Variants in ADAMTS20 observed in about 807,000 individuals in gnomAD.
The protein encoded by ADAMTS20 is A disintegrin and metalloproteinase with thrombospondin motifs 20.
Under a neutral mutation model 260.1 loss-of-function variants are expected in ADAMTS20, and 225 were observed. The observed-to-expected ratio is 0.87, with a 90% confidence interval of 0.78 to 0.97. The LOEUF is 0.97. ADAMTS20 is among the 50% of genes least tolerant of loss of function. The pLI is 0.00. For missense variants in ADAMTS20, 2,400 were observed against 2,337.7 expected (o/e 1.03, Z -0.55); for synonymous variants, 802 against 769.5 (o/e 1.04, Z -0.70).
At chr12:43,526,426 C>T (rs756013785) in intron 3 of ADAMTS20, among the ~76,000 whole-genome samples, 2 of 152,020 alleles carry the variant, frequency 1.3e-5, no homozygotes, top group South Asian at 2.1e-4. Flanking sequence ...CCACTGCACT[C>T]CAGCCTGAGT....
At position 43,437,464 on chromosome 12, in the gene ADAMTS20, T is replaced by G. The variant is rs182185408; in HGVS notation, c.2593+2158A>C. On this transcript the variant is annotated intron_variant, in intron 18 of 38. Transcript: ENST00000389420. ...CAAATCAAGGCATATTGTCCTGAAA[T>G]TTCATACCACTAGAATTAAAGAGAG... Among the ~76,000 whole-genome samples, 20 of 152,190 alleles carry G rather than the reference T, an allele frequency of 1.3e-4. No homozygotes were observed. The East Asian group carries it at 3.7e-3, about 28-fold the overall frequency.
intron 3 of ADAMTS20, among the ~76,000 whole-genome samples, chr12:43,509,695 C>A (rs752361409): frequency 6.6e-6 from 1 of 151,992 alleles, no homozygotes; most frequent in Non-Finnish European, 1.5e-5. Context: ...GGCAAGTGAA[C>A]AAAATGGGTG....
At chr12:43,378,492 C>T (rs1240456078) in intron 31 of ADAMTS20, among the ~76,000 whole-genome samples, 1 of 152,122 alleles carries the variant, frequency 6.6e-6, no homozygotes, top group Non-Finnish European at 1.5e-5. Context: ...AGGGTCTTGC[C>T]ACAGTAGAGA....
At chr12:43,380,673 A>C (rs1940330205) in intron 31 of ADAMTS20, among the ~76,000 whole-genome samples, 1 of 152,204 alleles carries the variant, frequency 6.6e-6, no homozygotes, top group African/African-American at 2.4e-5. Flanking sequence ...GAATATAAAA[A>C]ATACTCAGGA....
chr12:43,391,576 G>A (rs1369325890), intron 29 of ADAMTS20, among the ~76,000 whole-genome samples: 1 of 152,094 alleles, frequency 6.6e-6, no homozygotes, highest in Non-Finnish European at 1.5e-5. Flanking sequence ...TTTAATTTGT[G>A]AGTTTCATTG....
intron 3 of ADAMTS20, among the ~76,000 whole-genome samples, chr12:43,528,547 C>T (rs1404541107): frequency 2.0e-5 from 3 of 151,628 alleles, no homozygotes; most frequent in Non-Finnish European, 4.4e-5. Context: ...AAGCATACTA[C>T]ATAAATTGGA....
chr12:43,452,553 T>C lies in ADAMTS20; in HGVS notation c.1903A>G (p.Ile635Val). 1 of 1,613,586 alleles carries C rather than the reference T, an allele frequency of 6.2e-7. No homozygotes were observed. Among genetic ancestry groups the C allele is most frequent in the Non-Finnish European group, 8.5e-7 (1 of 1,179,688 alleles). ...FNGKHLDISG[I>V]PSNVRWLPRY... ...GGAAGCCACCTCACATTAGAGGGAA[T>C]GCCACTGATGTCCAAATGTTTACCA... The change falls in exon 13 of 39, where the codon ATT becomes GTT. Residue 635 changes from isoleucine to valine, a missense_variant. By Grantham distance (29) the Ile-to-Val change is conservative. Transcript: ENST00000389420.
At chr12:43,489,473 A>G (rs1942570707) in intron 7 of ADAMTS20, among the ~76,000 whole-genome samples, 1 of 151,994 alleles carries the variant, frequency 6.6e-6, no homozygotes, top group African/African-American at 2.4e-5. Flanking sequence ...CCTTACAGAA[A>G]AAGAAATACA....
intron 29 of ADAMTS20, among the ~76,000 whole-genome samples, chr12:43,397,082 G>T (rs1021625803): frequency 3.2e-4 from 48 of 152,110 alleles, no homozygotes; most frequent in African/African-American, 1.0e-3. Context: ...CCTCTATCCA[G>T]ATCAAGTAAG....
rs768036937 is a variant in ADAMTS20 at position 43,376,551 on chromosome 12, C to A, written c.5098G>T (p.Ala1700Ser). ...TCATTGGCATAACATTTCTTTTGAG[C>A]ACCTGGTTTTAAATGGTTTAAACAT... ...DLCLNHLKPG[A>S]QKKCYANDCK... Residue 1700 changes from alanine to serine, a missense_variant, in exon 33 of 39, where the codon GCT (alanine) becomes TCT (serine). Physicochemically the swap from Ala to Ser is moderately conservative, Grantham distance 99. Transcript: ENST00000389420. The A allele has an allele frequency of 2.5e-6, 4 of 1,612,984 alleles. No homozygotes were observed. In the Admixed American group the frequency reaches 6.7e-5, roughly 27 times the overall value.
intron 18 of ADAMTS20, among the ~76,000 whole-genome samples, chr12:43,439,103 A>G (rs1319496023): frequency 6.6e-6 from 1 of 152,116 alleles, no homozygotes; most frequent in African/African-American, 2.4e-5. Context: ...CCCTACTATA[A>G]ATTGTCCTGC....
At chr12:43,356,442 CAGA>C in intron 38 of ADAMTS20, 39 bp downstream of exon 38, 1 of 1,321,184 alleles carries the variant, frequency 7.6e-7, no homozygotes, top group Non-Finnish European at 1.1e-6. Flanking sequence ...GTTCATAGCT[CAGA>C]AGTATTTCAA....
At chr12:43,426,358 A>G (rs1468163851) in intron 27 of ADAMTS20, among the ~76,000 whole-genome samples, 2 of 152,018 alleles carry the variant, frequency 1.3e-5, no homozygotes, top group African/African-American at 4.8e-5. Flanking sequence ...GTAAAACTGT[A>G]TCTTAAAAAT....
chr12:43,549,022 A>G (rs1368879633), intron 2 of ADAMTS20, among the ~76,000 whole-genome samples: 1 of 152,022 alleles, frequency 6.6e-6, no homozygotes, highest in Non-Finnish European at 1.5e-5. Context: ...AGAACAAATC[A>G]TTTTATTTGT....
intron 29 of ADAMTS20, among the ~76,000 whole-genome samples, chr12:43,386,104 G>C (rs768726625): frequency 2.6e-5 from 4 of 152,042 alleles, no homozygotes; most frequent in Non-Finnish European, 2.9e-5. Flanking sequence ...CAAAAAAACA[G>C]GTCCTGGATT....
At chr12:43,509,366 A>G (rs61926797) in intron 3 of ADAMTS20, among the ~76,000 whole-genome samples, 13,817 of 152,032 alleles carry the variant, frequency 0.091, 785 homozygotes, top group Admixed American at 0.19. Context: ...AATGTTATCA[A>G]TACAGATCTC....
chr12:43,360,321 C>T (rs1263923613), intron 37 of ADAMTS20, among the ~76,000 whole-genome samples: 1 of 151,988 alleles, frequency 6.6e-6, no homozygotes, highest in African/African-American at 2.4e-5. Flanking sequence ...TGGTGGCAGT[C>T]GCCTGTAATC....
rs774882049 is a variant in ADAMTS20 at position 43,383,994 on chromosome 12, T to C, written c.4453-17A>G. The C allele has an allele frequency of 5.7e-6, 9 of 1,585,954 alleles. No individual in the cohort carries two copies. The South Asian group carries it at 8.1e-5, about 14-fold the overall frequency. ...CACAGAGCACTACAAAGGAGTCCAG[T>C]TGATTTGAACAATTAGCTAATAAAT... On this transcript the variant is annotated splice_polypyrimidine_tract_variant and intron_variant, in intron 29 of 38. Coordinates refer to ENST00000389420, the MANE Select transcript of ADAMTS20 (RefSeq NM_025003.5).
At chr12:43,445,479 A>G (rs1307318068) in intron 15 of ADAMTS20, among the ~76,000 whole-genome samples, 1 of 152,170 alleles carries the variant, frequency 6.6e-6, no homozygotes, top group Non-Finnish European at 1.5e-5. Flanking sequence ...TAAGTTTTAA[A>G]TTATACTGTT....
Sources: gnomAD v4.1 joint callset for allele counts (sites outside exome capture counted in the v4.1 genomes callset) on GRCh38, gnomAD v4.1.1 for gene constraint, MANE v1.5 for transcripts, NCBI Gene and HGNC (gene_info 2026-07-23, HGNC 2026-07-21) for gene names.